KCNIP4: variants seen among roughly 807,000 people sequenced by gnomAD.
The protein encoded by KCNIP4 is Kv channel-interacting protein 4.
In KCNIP4, 12 loss-of-function variants were observed where a neutral mutation model predicts 34.0. The observed-to-expected ratio is 0.35, with a 90% CI of 0.23 to 0.57. KCNIP4 has a LOEUF of 0.57. Ranked by LOEUF, KCNIP4 falls within the 20% of genes least tolerant of loss-of-function variation. KCNIP4 has a pLI of 0.83. For missense variants in KCNIP4, 238 were observed against 311.7 expected, an observed-to-expected ratio of 0.76 and a Z score of 1.78; for synonymous variants, 124 against 102.2, an observed-to-expected ratio of 1.21 and a Z score of -1.29.
At chr4:21,276,536 T>A (rs574062209) in intron 1 of KCNIP4, among the ~76,000 whole-genome samples, 1 of 152,182 alleles carries the variant, frequency 6.6e-6, no homozygotes, top group East Asian at 1.9e-4. Context: ...TTCCTCATCA[T>A]TGGATTCTGA....
chr4:21,381,396 T>C (rs1721490373), intron 1 of KCNIP4, among the ~76,000 whole-genome samples: 1 of 152,218 alleles, frequency 6.6e-6, no homozygotes, highest in African/African-American at 2.4e-5. Context: ...GGACTAGATT[T>C]ATCATTCATA....
chr4:21,866,267 C>G (rs1322118481), intron 1 of KCNIP4, among the ~76,000 whole-genome samples: 5 of 152,310 alleles, frequency 3.3e-5, no homozygotes, highest in Middle Eastern at 3.4e-3. Context: ...CAAGTCTTCT[C>G]CATTTGCACA....
At chr4:21,884,299 A>C (rs1726633926) in intron 1 of KCNIP4, among the ~76,000 whole-genome samples, 1 of 152,092 alleles carries the variant, frequency 6.6e-6, no homozygotes, top group African/African-American at 2.4e-5. Flanking sequence ...GCATGGAGAA[A>C]GGTTGTACTC....
intron 1 of KCNIP4, among the ~76,000 whole-genome samples, chr4:21,507,921 A>T (rs1196009531): frequency 6.6e-6 from 1 of 152,194 alleles, no homozygotes; most frequent in Non-Finnish European, 1.5e-5. Flanking sequence ...AATTTCTGCA[A>T]TTCCTGTAAA....
intron 3 of KCNIP4, among the ~76,000 whole-genome samples, chr4:20,762,534 G>C (rs10938804): frequency 0.71 from 108,249 of 152,182 alleles, 39,214 homozygotes; most frequent in East Asian, 0.84. Flanking sequence ...TATACATTCT[G>C]TAACTTTTTC....
intron 3 of KCNIP4, among the ~76,000 whole-genome samples, chr4:20,798,883 T>C (rs1713848972): frequency 6.6e-6 from 1 of 152,168 alleles, no homozygotes; most frequent in Non-Finnish European, 1.5e-5. Context: ...TGCTGAGCTA[T>C]ATTCAGAGAA....
chr4:21,697,951 G>A (rs1049981061), intron 1 of KCNIP4: 1 of 153,106 alleles, frequency 6.5e-6, no homozygotes, highest in Non-Finnish European at 1.5e-5. Flanking sequence ...CTCAGGGCCC[G>A]AGGCTGTACA....
chr4:20,864,997 G>A (rs996562951), intron 2 of KCNIP4, among the ~76,000 whole-genome samples: 10 of 152,068 alleles, frequency 6.6e-5, no homozygotes, highest in African/African-American at 2.4e-4. Context: ...ACACTGGAAG[G>A]AGTCCATGAG....
At chr4:21,785,584 T>G (rs573317943) in intron 1 of KCNIP4, among the ~76,000 whole-genome samples, 20 of 117,954 alleles carry the variant, frequency 1.7e-4, no homozygotes, top group African/African-American at 1.1e-3. Context: ...AGAGTGAGAT[T>G]CCATCTCAAT....
At chr4:21,012,786 A>C (rs975118074) in intron 1 of KCNIP4, among the ~76,000 whole-genome samples, 4 of 152,220 alleles carry the variant, frequency 2.6e-5, no homozygotes, top group Non-Finnish European at 5.9e-5. Context: ...AAAATCTATC[A>C]GTCTTTGAAA....
intron 1 of KCNIP4, among the ~76,000 whole-genome samples, chr4:20,958,849 A>T (rs1357661966): frequency 1.3e-5 from 2 of 152,250 alleles, no homozygotes; most frequent in Non-Finnish European, 2.9e-5. Flanking sequence ...CATGAATACC[A>T]GCAGTGGCAG....
chr4:21,097,100 C>A (rs1316305799), intron 1 of KCNIP4, among the ~76,000 whole-genome samples: 1 of 152,110 alleles, frequency 6.6e-6, no homozygotes, highest in Non-Finnish European at 1.5e-5. Context: ...TAGCTATCTT[C>A]CCCAAAGAAA....
At chr4:21,614,776 A>G (rs1054570805) in intron 1 of KCNIP4, among the ~76,000 whole-genome samples, 1 of 152,092 alleles carries the variant, frequency 6.6e-6, no homozygotes, top group African/African-American at 2.4e-5. Flanking sequence ...AACCCATCAA[A>G]AAAGCTGACA....
In KCNIP4 at chr4:20,819,965, T is replaced by A. The variant is rs913074240; in HGVS notation, c.288+30578A>T. The stretch of plus-strand genomic sequence containing the variant: ...AAGTTACCTAGTCTCAGGCATTTTG[T>A]TATAGCACCAGGAACTGCTGGTACC... On this transcript the variant is annotated intron_variant, in intron 3 of 8. Coordinates refer to ENST00000382152, the MANE Select transcript of KCNIP4 (RefSeq NM_025221.6). Among the ~76,000 whole-genome samples the A allele has an allele frequency of 1.6e-4, 25 of 152,338 alleles. No homozygotes were observed. In the East Asian group the frequency reaches 4.4e-3, roughly 27 times the overall value.
intron 1 of KCNIP4, among the ~76,000 whole-genome samples, chr4:21,905,527 A>G (rs1727949824): frequency 6.6e-6 from 1 of 152,170 alleles, no homozygotes; most frequent in Non-Finnish European, 1.5e-5. Context: ...CTATGCAGCC[A>G]TAAAAAATGA....
At chr4:21,769,737 A>G (rs1250919231) in intron 1 of KCNIP4, among the ~76,000 whole-genome samples, 1 of 152,128 alleles carries the variant, frequency 6.6e-6, no homozygotes, top group Non-Finnish European at 1.5e-5. Context: ...AAATATTTTG[A>G]GGACTTTATA....
intron 1 of KCNIP4, among the ~76,000 whole-genome samples, chr4:21,099,886 G>A (rs1199632796): frequency 6.6e-6 from 1 of 152,088 alleles, no homozygotes; most frequent in Non-Finnish European, 1.5e-5. Context: ...TGCAAATGTG[G>A]TAGAAATAAC....
At chr4:21,039,121 A>T (rs1266978228) in intron 1 of KCNIP4, among the ~76,000 whole-genome samples, 1 of 152,178 alleles carries the variant, frequency 6.6e-6, no homozygotes, top group African/African-American at 2.4e-5. Context: ...GCACTTTGGG[A>T]GGCTGAGGCA....
intron 1 of KCNIP4, among the ~76,000 whole-genome samples, chr4:20,887,092 T>C (rs1725394758): frequency 6.6e-6 from 1 of 152,004 alleles, no homozygotes; most frequent in South Asian, 2.1e-4. Flanking sequence ...ATGAAAATTC[T>C]AGAAATAAAA....
Sources: gnomAD v4.1 joint callset for allele counts (sites outside exome capture counted in the v4.1 genomes callset) on GRCh38, gnomAD v4.1.1 for gene constraint, MANE v1.5 for transcripts, NCBI Gene and HGNC (gene_info 2026-07-23, HGNC 2026-07-21) for gene names.